The following THSD4 variants were observed in gnomAD, a reference collection of about 807,000 sequenced individuals.
THSD4 encodes thrombospondin type-1 domain-containing protein 4.
Under a neutral mutation model 119.0 loss-of-function variants are expected in THSD4, and 69 were observed. The observed-to-expected ratio is 0.58, with a 90% confidence interval of 0.48 to 0.71. The LOEUF (loss-of-function observed/expected upper bound fraction) is 0.71, where lower values mean the gene tolerates loss of function less well. THSD4 is among the 30% of genes least tolerant of loss of function. THSD4 has a pLI of 0.00. For missense variants in THSD4, 1,393 were observed against 1,391.1 expected, an observed-to-expected ratio of 1.00 and a Z score of -0.02; for synonymous variants, 524 against 540.4, an observed-to-expected ratio of 0.97 and a Z score of 0.42.
intron 7 of THSD4, among the ~76,000 whole-genome samples, chr15:71,485,567 C>G (rs2047802376): frequency 6.6e-6 from 1 of 152,102 alleles, no homozygotes; most frequent in African/African-American, 2.4e-5. Flanking sequence ...ATGTTACCAG[C>G]CTTGCTGGGC....
Position 71,747,047 on chromosome 15 carries a change from G to T in THSD4, c.2241+5G>T. ...ATCCGGACCGACTGGACCTCGGTACGCAGGCAGGGCAGCCCGCTCTGCAGC... is the reference window on the plus strand; with the variant it reads ...ATCCGGACCGACTGGACCTCGGTACTCAGGCAGGGCAGCCCGCTCTGCAGC... On this transcript the variant is annotated splice_donor_5th_base_variant and intron_variant, in intron 13 of 17. Coordinates refer to ENST00000261862, the MANE Select transcript of THSD4 (RefSeq NM_024817.3). 1 of 1,593,872 alleles carries T rather than the reference G, an allele frequency of 6.3e-7. No individual in the cohort carries two copies.
At chr15:71,700,692 G>C (rs1288191364) in intron 8 of THSD4, among the ~76,000 whole-genome samples, 1 of 152,068 alleles carries the variant, frequency 6.6e-6, no homozygotes, top group South Asian at 2.1e-4. Flanking sequence ...ATTAAAACAC[G>C]TGGGGAAGGA....
In THSD4 at chr15:71,698,080, C is replaced by T. The variant is rs180728529; in HGVS notation, c.1358-30469C>T. On this transcript the variant is annotated intron_variant, in intron 8 of 17. Transcript: ENST00000261862. ...CTCACACTGCAGAGTCCCTCGGGACCGCCCCAGGACCTGGGGGCTATGTGG... is the reference window on the plus strand; with the variant it reads ...CTCACACTGCAGAGTCCCTCGGGACTGCCCCAGGACCTGGGGGCTATGTGG... Among the ~76,000 whole-genome samples, 135 of 152,248 alleles carry T rather than the reference C, an allele frequency of 8.9e-4. 1 individual carries two copies. Among genetic ancestry groups the T allele is most frequent in the Non-Finnish European group, 2.6e-4 (18 of 68,012 alleles).
intron 4 of THSD4, among the ~76,000 whole-genome samples, chr15:71,225,453 A>C (rs916561896): frequency 1.3e-5 from 2 of 152,038 alleles, no homozygotes; most frequent in African/African-American, 4.8e-5. Context: ...TGCTGTTTTA[A>C]ATGTTCCTGT....
chr15:71,591,823 C>T (rs982266432), intron 7 of THSD4, among the ~76,000 whole-genome samples: 2 of 151,514 alleles, frequency 1.3e-5, no homozygotes, highest in African/African-American at 4.9e-5. Flanking sequence ...AACAAAAAGG[C>T]AGCAGGTAAA....
rs2053690797 is a variant in THSD4, at chr15:71,765,016, G to T, written c.2590-4G>T. 2.5e-6 allele frequency: 4 copies of T among 1,612,356 alleles called. No homozygotes were observed. The highest frequency in any genetic ancestry group is 2.5e-6 in the Non-Finnish European group (3 of 1,179,000). ...CACTCATCTTTTTCTGCTTCTTTCT[G>T]CAGTGTTCCATCGAGTGTGGGAGCG... On this transcript the variant is annotated splice_region_variant and splice_polypyrimidine_tract_variant and intron_variant, in intron 15 of 17. Transcript: ENST00000261862.
chr15:71,096,958 C>T (rs528041756), exon 1 of THSD4: 61 of 152,278 alleles, frequency 4.0e-4, no homozygotes, highest in African/African-American at 1.4e-3. Context: ...CTGGATCAGA[C>T]CAACGTGAAT....
chr15:71,411,263 TA>T (rs2046683432), intron 6 of THSD4, among the ~76,000 whole-genome samples: 1 of 152,174 alleles, frequency 6.6e-6, no homozygotes, highest in Non-Finnish European at 1.5e-5. Context: ...TATATGCAAA[TA>T]GATCAAGATA....
intron 7 of THSD4, among the ~76,000 whole-genome samples, chr15:71,503,398 C>T (rs181778131): frequency 6.6e-6 from 1 of 152,246 alleles, no homozygotes; most frequent in Admixed American, 6.5e-5. Flanking sequence ...GGAGCATTTC[C>T]ATCCTGGCTC....
At chr15:71,170,934 T>C (rs1275566216) in intron 3 of THSD4, among the ~76,000 whole-genome samples, 1 of 152,054 alleles carries the variant, frequency 6.6e-6, no homozygotes, top group Non-Finnish European at 1.5e-5. Flanking sequence ...AGATTAGACA[T>C]TGCAGAAGAA....
At chr15:71,410,678 G>A (rs888188835) in intron 6 of THSD4, among the ~76,000 whole-genome samples, 2 of 152,164 alleles carry the variant, frequency 1.3e-5, no homozygotes, top group Admixed American at 1.3e-4. Context: ...ATTATTACAG[G>A]AAGCTGCGGC....
chr15:71,426,396 TG>T (rs1555412530), intron 7 of THSD4, among the ~76,000 whole-genome samples: 247 of 93,272 alleles, frequency 2.6e-3, no homozygotes, highest in East Asian at 0.012. Flanking sequence ...TGTGTGTGTG[TG>T]TGTGTGTGTT....
At chr15:71,552,121 G>A (rs2048941119) in intron 7 of THSD4, among the ~76,000 whole-genome samples, 1 of 152,206 alleles carries the variant, frequency 6.6e-6, no homozygotes, top group Non-Finnish European at 1.5e-5. Context: ...GACATGGCAT[G>A]TTCTGGAAAC....
At chr15:71,621,346 C>G (rs2050415457) in intron 7 of THSD4, among the ~76,000 whole-genome samples, 1 of 152,104 alleles carries the variant, frequency 6.6e-6, no homozygotes, top group Non-Finnish European at 1.5e-5. Flanking sequence ...GAAAAGAACC[C>G]ATGAGTTGCT....
At chr15:71,209,300 T>C (rs1052080230) in intron 3 of THSD4, among the ~76,000 whole-genome samples, 2 of 152,182 alleles carry the variant, frequency 1.3e-5, no homozygotes, top group African/African-American at 4.8e-5. Context: ...TTCGCATTCT[T>C]TTATCTCACA....
chr15:71,378,514 T>C (rs2046181091), intron 6 of THSD4, among the ~76,000 whole-genome samples: 2 of 152,220 alleles, frequency 1.3e-5, no homozygotes, highest in South Asian at 4.1e-4. Context: ...CAAGGTCCCA[T>C]CATCCTTGAG....
chr15:71,318,488 C>T lies in THSD4; in HGVS notation c.1015+61773C>T, dbSNP rs1240917931. On this transcript the variant is annotated intron_variant, in intron 6 of 17. Coordinates refer to ENST00000261862, the MANE Select transcript of THSD4 (RefSeq NM_024817.3). ...TATTTGTCTTTTACTCATTAAGTTC[C>T]TAGCCCAGCATAAAGGCTCCTGGAA... is the stretch of plus-strand genomic sequence containing the variant. Among the ~76,000 whole-genome samples, 4 of 152,160 alleles carry T rather than the reference C, an allele frequency of 2.6e-5. No homozygotes were observed. In the East Asian group the frequency reaches 5.8e-4, roughly 22 times the overall value.
intron 6 of THSD4, among the ~76,000 whole-genome samples, chr15:71,397,089 C>T (rs1387963642): frequency 2.6e-5 from 4 of 152,192 alleles, no homozygotes; most frequent in African/African-American, 4.8e-5. Context: ...TCTTGCATGA[C>T]CTGGACTGCT....
intron 7 of THSD4, among the ~76,000 whole-genome samples, chr15:71,610,644 G>T (rs1298385949): frequency 6.6e-6 from 1 of 152,136 alleles, no homozygotes; most frequent in African/African-American, 2.4e-5. Context: ...GTAAACATGG[G>T]TGACTTATGT....
Sources: allele counts gnomAD v4.1 joint callset (sites outside exome capture counted in the v4.1 genomes callset), GRCh38; gene constraint gnomAD v4.1.1; transcripts MANE v1.5; gene names NCBI Gene and HGNC (gene_info 2026-07-23, HGNC 2026-07-21).